CRIP1: variants seen among roughly 807,000 people sequenced by gnomAD.
The protein encoded by CRIP1 is cysteine-rich protein 1.
A neutral mutation model predicts 12.9 loss-of-function variants in CRIP1; 11 were observed. That is an observed-to-expected ratio of 0.86 (90% CI 0.54 to 1.42). The LOEUF (loss-of-function observed/expected upper bound fraction) is 1.42, where lower values mean the gene tolerates loss of function less well. Among genes scored for constraint, CRIP1 ranks in the 40% most tolerant of loss-of-function variants. The pLI, the probability that CRIP1 is intolerant of heterozygous loss-of-function variation, is 0.00. For missense variants in CRIP1, 122 were observed against 101.3 expected, an observed-to-expected ratio of 1.20 and a Z score of -0.88; for synonymous variants, 41 against 37.2, an observed-to-expected ratio of 1.10 and a Z score of -0.37.
Position 105,487,247 on chromosome 14 carries a change from A to G in CRIP1, c.-13A>G. ...CCCCAGCCGCTGCCGCCTGCACCGG[A>G]CCCGGAGCCGTCATGCCCAAGTGTC... On this transcript the variant is annotated 5_prime_UTR_variant, in exon 2 of 6. Transcript: ENST00000392531. 5 of 1,543,226 alleles carry G rather than the reference A, an allele frequency of 3.2e-6. No homozygotes were observed. The highest frequency in any genetic ancestry group is 4.4e-6 in the Non-Finnish European group (5 of 1,144,312).
At position 105,488,389 on chromosome 14, in the gene CRIP1, G is replaced by A; in HGVS notation, c.193+1G>A. The A allele has an allele frequency of 6.2e-7, 1 of 1,612,332 alleles. No individual in the cohort carries two copies. The highest frequency in any genetic ancestry group is 8.5e-7 in the Non-Finnish European group (1 of 1,179,848). On this transcript the variant is annotated splice_donor_variant, in intron 4 of 5. Coordinates refer to ENST00000392531, the MANE Select transcript of CRIP1 (RefSeq NM_001311.5). LOFTEE classifies it high-confidence loss of function. ...TACGCAGCCATGTTTGGGCCTAAAG[G>A]TATGCTCCCGTCATCCCCACCCCAC...
rs1164942638 is a variant in CRIP1, at chr14:105,487,080, G to T, written c.-62+108G>T. 5.8e-6 allele frequency: 8 copies of T among 1,373,238 alleles called. No individual in the cohort carries two copies. The African/African-American group carries it at 9.2e-5, about 16-fold the overall frequency. 85.1% of individuals were successfully genotyped at this position (1,373,238 alleles called of 1,614,324 possible). A position where few individuals can be genotyped will look rare whatever the true frequency, so the allele number is the denominator to read the frequency against. On this transcript the variant is annotated intron_variant, in intron 1 of 5. Transcript: ENST00000392531. The stretch of plus-strand genomic sequence containing the variant: ...TGATCTTTCTTGGGCCCTGGGCCTA[G>T]ATTCGAGGTCCCCAGGGTCCAAGTC...
chr14:105,488,191 G>A lies in CRIP1; in HGVS notation c.66G>A (p.Lys22=). 6.2e-7 allele frequency: 1 copy of A among 1,613,114 alleles called. No individual in the cohort carries two copies. The change falls in exon 3 of 6, where the codon AAG becomes AAA. Residue 22 remains lysine (K), a synonymous_variant. Transcript: ENST00000392531. ...CCGAGAGGGTGACCTCTCTGGGCAA[G>A]GACTGGCATCGGCCCTGCCTGAAGT... The part of the protein sequence containing the change: ...YFAERVTSLG[K]DWHRPCLKCE...
At chr14:105,487,375 CG>C in intron 2 of CRIP1, 76 bp downstream of exon 2, 4 of 1,361,242 alleles carry the variant, frequency 2.9e-6, no homozygotes, top group East Asian at 2.8e-5. Flanking sequence ...TCAGGAGGAC[CG>C]GGGGCGCTGG....
At chr14:105,488,550 G>C in intron 5 of CRIP1, 34 bp downstream of exon 5, 1 of 1,561,588 alleles carries the variant, frequency 6.4e-7, no homozygotes, top group East Asian at 2.2e-5. Flanking sequence ...CCTGCCTCCT[G>C]GTTCCACCCT....
chr14:105,488,109 G>C (rs1029603563), intron 2 of CRIP1, 57 bp from the exon 3 acceptor site: 8 of 1,552,038 alleles, frequency 5.2e-6, no homozygotes, highest in Admixed American at 1.7e-5. Context: ...GTACGCCAGT[G>C]GTGGGTAGGC....
At chr14:105,487,544 C>G (rs1382625047) in intron 2 of CRIP1, 1 of 486,330 alleles carries the variant, frequency 2.1e-6, no homozygotes, top group African/African-American at 2.1e-5. Context: ...TGAGCCTCCC[C>G]GTCTCTGGGT....
At position 105,487,215 on chromosome 14, in the gene CRIP1, C is replaced by T. The variant is rs781850877; in HGVS notation, c.-45C>T. 1 of 1,539,332 alleles carries T rather than the reference C, an allele frequency of 6.5e-7. No individual in the cohort carries two copies. On this transcript the variant is annotated 5_prime_UTR_variant, in exon 2 of 6. Coordinates refer to ENST00000392531, the MANE Select transcript of CRIP1 (RefSeq NM_001311.5). ...TCCACCCAGTCTCGCGCCTGCAGCC[C>T]GTGCCGCCCCAGCCGCTGCCGCCTG... is the stretch of plus-strand genomic sequence containing the variant.
At position 105,488,450 on chromosome 14, in the gene CRIP1, CTT is replaced by C. The variant is rs1182809598; in HGVS notation, c.194-17_194-16del. The C allele has an allele frequency of 1.0e-5, 14 of 1,398,230 alleles. No individual in the cohort carries two copies. Among genetic ancestry groups the C allele is most frequent in the Non-Finnish European group, 1.2e-5 (13 of 1,048,460 alleles). 86.6% of individuals were successfully genotyped at this position (1,398,230 alleles called of 1,614,324 possible). On this transcript the variant is annotated intron_variant, in intron 4 of 5. Transcript: ENST00000392531. The stretch of plus-strand genomic sequence containing the variant: ...AGCCTCCTCCACCCCAGCCTGTTGA[CTT>C]TTTCCACCTTCTCTGCAGGCTTTGG...
In CRIP1 at chr14:105,488,351, C is replaced by G. The variant is rs782014612; in HGVS notation, c.156C>G (p.Cys52Trp). ...TGCAGCACGAAGGCAAACCCTACTG[C>G]AACCACCCCTGCTACGCAGCCATGT... The part of the protein sequence containing the change: ...GHAEHEGKPY[C>W]NHPCYAAMFG... The change falls in exon 4 of 6, where the codon TGC (cysteine) becomes TGG (tryptophan). Residue 52 changes from cysteine (C) to tryptophan (W), a missense_variant. Coordinates refer to ENST00000392531, the MANE Select transcript of CRIP1 (RefSeq NM_001311.5). 2 of 1,613,524 alleles carry G rather than the reference C, an allele frequency of 1.2e-6. No individual in the cohort carries two copies. The highest frequency in any genetic ancestry group is 1.7e-6 in the Non-Finnish European group (2 of 1,180,010).
At chr14:105,487,848 T>C (rs1283285733) in intron 2 of CRIP1, 4 of 393,402 alleles carry the variant, frequency 1.0e-5, no homozygotes, top group Non-Finnish European at 1.9e-5. Flanking sequence ...CAGGCCCTGC[T>C]GACCTAAGCC....
At chr14:105,487,408 C>A in intron 2 of CRIP1, 109 bp downstream of exon 2, 2 of 929,334 alleles carry the variant, frequency 2.2e-6, no homozygotes, top group Non-Finnish European at 3.1e-6. Context: ...GGCGCCCCAG[C>A]CTGAAAACGC....
At chr14:105,487,125 C>T in intron 1 of CRIP1, 74 bp from the exon 2 acceptor site, 6 of 1,409,168 alleles carry the variant, frequency 4.3e-6, no homozygotes, top group Non-Finnish European at 5.6e-6. Context: ...GAGGGCGGGG[C>T]GCGAGGGGCG....
In CRIP1 at chr14:105,488,368, C is replaced by T. The variant is rs55633823; in HGVS notation, c.173C>T (p.Ala58Val). Reference protein sequence around the residue: ...GKPYCNHPCYAAMFGPKGFGR... With the variant: ...GKPYCNHPCYVAMFGPKGFGR... ...CCCTACTGCAACCACCCCTGCTACGCAGCCATGTTTGGGCCTAAAGGTATG... is the reference window on the plus strand; with the variant it reads ...CCCTACTGCAACCACCCCTGCTACGTAGCCATGTTTGGGCCTAAAGGTATG... The change falls in exon 4 of 6, where the codon GCA (alanine) becomes GTA (valine). Residue 58 changes from alanine (A) to valine (V), a missense_variant. Coordinates refer to ENST00000392531, the MANE Select transcript of CRIP1 (RefSeq NM_001311.5). The T allele has an allele frequency of 0.22, 351,772 of 1,613,174 alleles. 42,268 individuals carry two copies. Among genetic ancestry groups the T allele is most frequent in the Non-Finnish European group, 0.25 (295,628 of 1,179,844 alleles).
chr14:105,488,265 G>C lies in CRIP1; in HGVS notation c.135+5G>C, dbSNP rs781941097. On this transcript the variant is annotated splice_donor_5th_base_variant and intron_variant, in intron 3 of 5. Transcript: ENST00000392531. ...ACCTCTGGGGGCCACGCTGAGGTAG[G>C]TGGGACCCACCCTGGTGGCAGGGGC... The C allele has an allele frequency of 9.9e-6, 16 of 1,613,366 alleles. No individual in the cohort carries two copies. Among genetic ancestry groups the C allele is most frequent in the Non-Finnish European group, 1.4e-5 (16 of 1,180,024 alleles).
chr14:105,487,143 C>T (rs2084128156), intron 1 of CRIP1, 56 bp from the exon 2 acceptor site: 4 of 1,449,254 alleles, frequency 2.8e-6, no homozygotes, highest in Admixed American at 2.6e-5. Flanking sequence ...GCGGGGTCTC[C>T]AAGGGGCGGG....
chr14:105,488,250 G>A lies in CRIP1; in HGVS notation c.125G>A (p.Gly42Asp), dbSNP rs2084143565. Residue 42 changes from glycine to aspartate, a missense_variant, in exon 3 of 6, where the codon GGC becomes GAC. Coordinates refer to ENST00000392531, the MANE Select transcript of CRIP1 (RefSeq NM_001311.5). ...EKCGKTLTSG[G>D]HAEHEGKPYC... ...TGTGGGAAGACGCTGACCTCTGGGG[G>A]CCACGCTGAGGTAGGTGGGACCCAC... The A allele has an allele frequency of 6.2e-7, 1 of 1,613,312 alleles. No individual in the cohort carries two copies. Among genetic ancestry groups the A allele is most frequent in the Non-Finnish European group, 8.5e-7 (1 of 1,180,010 alleles).
In CRIP1 at chr14:105,488,904, G is replaced by A; in HGVS notation, c.*247G>A. On this transcript the variant is annotated 3_prime_UTR_variant, in exon 6 of 6. Transcript: ENST00000392531. ...CTTCTGCTGCCCATTGCCCTCCCCAGGGGGCCGTTCCAGGGTCTCATAGGC... is the reference window on the plus strand; with the variant it reads ...CTTCTGCTGCCCATTGCCCTCCCCAAGGGGCCGTTCCAGGGTCTCATAGGC... The A allele has an allele frequency of 8.0e-6, 2 of 251,442 alleles. No homozygotes were observed. Among genetic ancestry groups the A allele is most frequent in the Non-Finnish European group, 7.8e-6 (1 of 128,828 alleles). The allele number at this position is 251,442 out of a possible 1,614,324, so 15.6% of individuals were successfully genotyped here.
chr14:105,487,888 A>G, intron 2 of CRIP1: 1 of 493,772 alleles, frequency 2.0e-6, no homozygotes, highest in Non-Finnish European at 3.7e-6. Flanking sequence ...CTCGCCCTCT[A>G]GCCCCACCCA....
Sources: allele counts gnomAD v4.1 joint callset, GRCh38; gene constraint gnomAD v4.1.1; transcripts MANE v1.5; gene names NCBI Gene and HGNC (gene_info 2026-07-23, HGNC 2026-07-21).